Variants in ANO4 observed in about 807,000 individuals in gnomAD.
ANO4 encodes anoctamin-4.
A neutral mutation model predicts 141.9 loss-of-function variants in ANO4; 69 were observed. The observed-to-expected ratio is 0.49, with a 90% CI of 0.40 to 0.59. The LOEUF (loss-of-function observed/expected upper bound fraction) is 0.59. Ranked by LOEUF, ANO4 falls within the 20% of genes least tolerant of loss-of-function variation. The pLI, the probability that ANO4 is intolerant of heterozygous loss-of-function variation, is 0.00. For synonymous variants in ANO4, 350 were observed against 394.3 expected, an observed-to-expected ratio of 0.89 and a Z score of 1.33; for missense variants, 894 against 1,162.2, an observed-to-expected ratio of 0.77 and a Z score of 3.36.
chr12:101,097,917 T>C lies in ANO4; in HGVS notation c.1978T>C (p.Trp660Arg). 2 of 1,613,782 alleles carry C rather than the reference T, an allele frequency of 1.2e-6. No homozygotes were observed. The highest frequency in any genetic ancestry group is 8.5e-7 in the Non-Finnish European group (1 of 1,179,754). Reference protein sequence around the residue: ...MGIIMVLKQTWNNFMELGYPL... With the variant: ...MGIIMVLKQTRNNFMELGYPL... ...TATTATAATGGTGCTAAAGCAGACCTGGAATAATTTCATGGAACTTGGCTA... is the reference window on the plus strand; with the variant it reads ...TATTATAATGGTGCTAAAGCAGACCCGGAATAATTTCATGGAACTTGGCTA... The change falls in exon 21 of 28, where the codon TGG (tryptophan) becomes CGG (arginine). Residue 660 changes from tryptophan to arginine, a missense_variant. Trp to Arg is a moderately radical substitution (Grantham distance 101, BLOSUM62 -3). Coordinates refer to ENST00000392977, the MANE Select transcript of ANO4 (RefSeq NM_001286615.2).
intron 1 of ANO4, among the ~76,000 whole-genome samples, chr12:100,830,106 A>G (rs914783498): frequency 6.6e-6 from 1 of 152,090 alleles, no homozygotes; most frequent in Non-Finnish European, 1.5e-5. Context: ...ATTGATGCTT[A>G]AGTGAAAGAA....
intron 8 of ANO4, among the ~76,000 whole-genome samples, chr12:101,019,791 C>T (rs1247568980): frequency 6.6e-6 from 1 of 152,134 alleles, no homozygotes; most frequent in Non-Finnish European, 1.5e-5. Flanking sequence ...TTTTAGGTTT[C>T]TTAACTTTGT....
intron 3 of ANO4, among the ~76,000 whole-genome samples, chr12:100,754,247 T>G (rs1347629824): frequency 6.6e-6 from 1 of 152,250 alleles, no homozygotes; most frequent in Non-Finnish European, 1.5e-5. Flanking sequence ...TTCCCACATC[T>G]AATTGCTCAT....
chr12:100,784,974 T>C (rs1593325588), intron 3 of ANO4, among the ~76,000 whole-genome samples: 1 of 151,186 alleles, frequency 6.6e-6, no homozygotes, highest in South Asian at 2.1e-4. Flanking sequence ...CTCTCTCTCT[T>C]TCTCTTTTTA....
intron 8 of ANO4, among the ~76,000 whole-genome samples, chr12:101,016,923 A>G (rs2046339656): frequency 6.6e-6 from 1 of 152,206 alleles, no homozygotes; most frequent in African/African-American, 2.4e-5. Flanking sequence ...CCCTAAAACC[A>G]CATCATAGGT....
At chr12:100,953,079 C>T (rs1042853575) in intron 5 of ANO4, among the ~76,000 whole-genome samples, 1 of 152,178 alleles carries the variant, frequency 6.6e-6, no homozygotes. Flanking sequence ...GATTTCTCAG[C>T]AGTCTAAATT....
chr12:100,724,345 A>C (rs2031009254), intron 1 of ANO4, among the ~76,000 whole-genome samples: 1 of 152,202 alleles, frequency 6.6e-6, no homozygotes, highest in Admixed American at 6.5e-5. Flanking sequence ...TGTGCCTTCT[A>C]TGCATTAGGC....
intron 22 of ANO4, among the ~76,000 whole-genome samples, chr12:101,102,363 A>T (rs1269438345): frequency 6.6e-6 from 1 of 152,202 alleles, no homozygotes; most frequent in Non-Finnish European, 1.5e-5. Context: ...AGTTCCAGTT[A>T]TTCCACAAAC....
chr12:100,784,908 G>T (rs1565873681), intron 3 of ANO4, among the ~76,000 whole-genome samples: 2 of 147,244 alleles, frequency 1.4e-5, no homozygotes, highest in Middle Eastern at 6.9e-3. Flanking sequence ...TTTATGTGGG[G>T]TGTAGGGAAT....
At chr12:101,092,354 A>T (rs947058560) in intron 17 of ANO4, among the ~76,000 whole-genome samples, 2 of 152,244 alleles carry the variant, frequency 1.3e-5, no homozygotes, top group African/African-American at 4.8e-5. Flanking sequence ...TAAGATCAGA[A>T]AGCTTTCTGC....
At chr12:101,017,845 G>A (rs1002110456) in intron 8 of ANO4, among the ~76,000 whole-genome samples, 4 of 152,190 alleles carry the variant, frequency 2.6e-5, no homozygotes, top group Non-Finnish European at 5.9e-5. Context: ...ATAGTGTCTG[G>A]CACATGCCCT....
rs1305930898 is a variant in ANO4 at position 101,082,640 on chromosome 12, G to A, written c.1396-1038G>A. On this transcript the variant is annotated intron_variant, in intron 15 of 27. Transcript: ENST00000392977. ...ATCTTACCCATGACCTACCCCTGAG[G>A]GAAGTCCAGCCTTGGGCTAATTCAG... is the stretch of plus-strand genomic sequence containing the variant. Among the ~76,000 whole-genome samples, 3 of 152,224 alleles carry A rather than the reference G, an allele frequency of 2.0e-5. No homozygotes were observed. The East Asian group carries it at 5.8e-4, about 29-fold the overall frequency.
intron 3 of ANO4, among the ~76,000 whole-genome samples, chr12:100,935,933 G>A (rs566647592): frequency 2.6e-5 from 4 of 152,278 alleles, no homozygotes; most frequent in African/African-American, 4.8e-5. Flanking sequence ...TATGGATGAA[G>A]TGCACATACT....
chr12:100,942,854 C>T (rs1447841455), intron 5 of ANO4, among the ~76,000 whole-genome samples: 6 of 152,244 alleles, frequency 3.9e-5, no homozygotes, highest in Non-Finnish European at 7.3e-5. Flanking sequence ...GTTCTGTTCG[C>T]GTGGATTAAA....
At chr12:100,799,720 A>G (rs2034565878) in intron 1 of ANO4, among the ~76,000 whole-genome samples, 1 of 152,192 alleles carries the variant, frequency 6.6e-6, no homozygotes, top group Admixed American at 6.5e-5. Flanking sequence ...CAGCCTGGCA[A>G]CAGAGCAAGA....
chr12:101,126,694 T>C (rs2051329483), intron 26 of ANO4, among the ~76,000 whole-genome samples, 185 bp from the exon 27 acceptor site: 1 of 152,154 alleles, frequency 6.6e-6, no homozygotes, highest in Non-Finnish European at 1.5e-5. Context: ...TTTCTATTCC[T>C]TAGGTGGTGC....
chr12:101,064,719 T>C (rs1041323875), intron 14 of ANO4, among the ~76,000 whole-genome samples: 1 of 151,388 alleles, frequency 6.6e-6, no homozygotes, highest in Non-Finnish European at 1.5e-5. Context: ...TTCCCCTTTT[T>C]CCACAGTTTT....
At chr12:100,954,278 C>T (rs2043090180) in intron 5 of ANO4, among the ~76,000 whole-genome samples, 1 of 152,174 alleles carries the variant, frequency 6.6e-6, no homozygotes, top group African/African-American at 2.4e-5. Context: ...AGGGAATCCA[C>T]CTCCCATCAC....
intron 3 of ANO4, among the ~76,000 whole-genome samples, chr12:100,760,821 G>T (rs2032826134): frequency 6.6e-6 from 1 of 152,132 alleles, no homozygotes; most frequent in Non-Finnish European, 1.5e-5. Context: ...AAGCTGGCTT[G>T]CCCATCTTCT....
Sources: allele counts gnomAD v4.1 joint callset (sites outside exome capture counted in the v4.1 genomes callset), GRCh38; gene constraint gnomAD v4.1.1; transcripts MANE v1.5; gene names NCBI Gene and HGNC (gene_info 2026-07-23, HGNC 2026-07-21).